SIPA1L1: variants seen among roughly 807,000 people sequenced by gnomAD.
The protein encoded by SIPA1L1 is signal induced proliferation associated 1 like 1.
In SIPA1L1, 26 loss-of-function variants were observed where a neutral mutation model predicts 162.7. The observed-to-expected ratio is 0.16, with a 90% CI of 0.12 to 0.22. The LOEUF (loss-of-function observed/expected upper bound fraction) is 0.22. Ranked by LOEUF, SIPA1L1 falls within the 10% of genes least tolerant of loss-of-function variation. The pLI is 1.00. For synonymous variants in SIPA1L1, 829 were observed against 837.4 expected (o/e 0.99, Z 0.17); for missense variants, 1,874 against 2,241.0 (o/e 0.84, Z 3.31).
chr14:71,604,940 G>A (rs563628229), intron 5 of SIPA1L1, among the ~76,000 whole-genome samples: 5 of 151,984 alleles, frequency 3.3e-5, no homozygotes, highest in Non-Finnish European at 5.9e-5. Context: ...GCTAGACTTG[G>A]AATGTTTTTA....
chr14:71,599,443 C>T lies in SIPA1L1; in HGVS notation c.1498+10073C>T, dbSNP rs528655478. 1.7e-4 allele frequency among the ~76,000 whole-genome samples: 25 copies of T among 149,490 alleles called. No individual in the cohort carries two copies. The South Asian group carries it at 1.7e-3, about 10-fold the overall frequency. ...CTGAGATTACAGGCATGAGCCACCA[C>T]GCTGGGCGATTTCATTCTTTTTTTT... On this transcript the variant is annotated intron_variant, in intron 5 of 23. Coordinates refer to ENST00000381232, the MANE Select transcript of SIPA1L1 (RefSeq NM_001386936.1).
intron 2 of SIPA1L1, among the ~76,000 whole-genome samples, chr14:71,436,286 C>T (rs2044371464): frequency 6.6e-6 from 1 of 152,096 alleles, no homozygotes; most frequent in Non-Finnish European, 1.5e-5. Context: ...ATTTTTGGAT[C>T]ATCAGGTTTA....
chr14:71,384,995 G>A (rs1424362160), intron 2 of SIPA1L1, among the ~76,000 whole-genome samples: 2 of 152,186 alleles, frequency 1.3e-5, no homozygotes. Flanking sequence ...AGAGGACAGC[G>A]ATAAAGGACT....
intron 5 of SIPA1L1, among the ~76,000 whole-genome samples, chr14:71,609,934 A>G (rs942419258): frequency 7.2e-5 from 11 of 152,100 alleles, no homozygotes; most frequent in African/African-American, 2.7e-4. Context: ...TAAAAATACA[A>G]AGCAAACCAA....
At chr14:71,411,282 A>G (rs75482549) in intron 2 of SIPA1L1, among the ~76,000 whole-genome samples, 9,131 of 152,240 alleles carry the variant, frequency 0.06, 360 homozygotes, top group Non-Finnish European at 0.089. Flanking sequence ...TTTTTTATTT[A>G]AAGACTTACT....
chr14:71,730,039 T>C lies in SIPA1L1; in HGVS notation c.4615-16T>C. Reference sequence around the variant, plus strand: ...CCAGAAAATTGACTTTCTTTTGTCTTGATCCTGTTTTTCAGTTCCACGCAC... The same window carrying C: ...CCAGAAAATTGACTTTCTTTTGTCTCGATCCTGTTTTTCAGTTCCACGCAC... On this transcript the variant is annotated splice_polypyrimidine_tract_variant and intron_variant, in intron 19 of 23. Transcript: ENST00000381232. The C allele has an allele frequency of 6.2e-7, 1 of 1,610,038 alleles. No individual in the cohort carries two copies. The highest frequency in any genetic ancestry group is 8.5e-7 in the Non-Finnish European group (1 of 1,177,340).
Position 71,733,705 on chromosome 14 carries a change from A to G in SIPA1L1, c.4901A>G (p.Gln1634Arg), listed in dbSNP as rs780205288. 9 of 1,613,894 alleles carry G rather than the reference A, an allele frequency of 5.6e-6. No homozygotes were observed. Among genetic ancestry groups the G allele is most frequent in the African/African-American group, 5.3e-5 (4 of 74,908 alleles). Residue 1634 changes from glutamine (Q) to arginine (R), a missense_variant, in exon 21 of 24, where the codon CAG becomes CGG. By Grantham distance (43) the Gln-to-Arg change is conservative. Coordinates refer to ENST00000381232, the MANE Select transcript of SIPA1L1 (RefSeq NM_001386936.1). ...SASDSSLTDI[Q>R]ETRRQPMPDP... ...TCGGACAGCTCCCTCACTGACATCC[A>G]GGAGACCCGCAGGCAGCCTATGCCC...
At chr14:71,714,438 A>G (rs951217257) in intron 17 of SIPA1L1, among the ~76,000 whole-genome samples, 1 of 152,206 alleles carries the variant, frequency 6.6e-6, no homozygotes, top group Admixed American at 6.5e-5. Flanking sequence ...GTGTCATTAA[A>G]TCATAAGGCC....
In SIPA1L1 at chr14:71,733,724, T is replaced by G. The variant is rs774595859; in HGVS notation, c.4920T>G (p.Pro1640=). 1 of 1,613,966 alleles carries G rather than the reference T, an allele frequency of 6.2e-7. No individual in the cohort carries two copies. The highest frequency in any genetic ancestry group is 1.1e-5 in the South Asian group (1 of 91,070). Residue 1640 remains proline, a synonymous_variant, in exon 21 of 24, where the codon CCT becomes CCG. Transcript: ENST00000381232. ...ACATCCAGGAGACCCGCAGGCAGCC[T>G]ATGCCCGACCCTGGCCTGATGCCCC... is the stretch of plus-strand genomic sequence containing the variant. ...LTDIQETRRQ[P]MPDPGLMPLP... is the part of the protein sequence containing the mutation.
At position 71,658,433 on chromosome 14, in the gene SIPA1L1, A is replaced by C; in HGVS notation, c.2094A>C (p.Gln698His). 6.4e-7 allele frequency: 1 copy of C among 1,553,430 alleles called. No homozygotes were observed. Residue 698 changes from glutamine (Q) to histidine (H), a missense_variant, in exon 9 of 24, where the codon CAA becomes CAC. Physicochemically the swap from Gln to His is conservative, Grantham distance 24. Transcript: ENST00000381232. Reference sequence around the variant, plus strand: ...TGCCATACACACCCAACAACAAACAACAGGTAAGAGATCCTCCTGTTATCT... The same window carrying C: ...TGCCATACACACCCAACAACAAACACCAGGTAAGAGATCCTCCTGTTATCT... ...TMLPYTPNNK[Q>H]QLLRKRHIGN...
intron 7 of SIPA1L1, among the ~76,000 whole-genome samples, chr14:71,628,759 A>C (rs2040278744): frequency 6.6e-6 from 1 of 152,188 alleles, no homozygotes; most frequent in African/African-American, 2.4e-5. Flanking sequence ...CTGGATCAGA[A>C]TGAGATGGGC....
At chr14:71,453,143 A>C (rs942722009) in intron 2 of SIPA1L1, among the ~76,000 whole-genome samples, 2 of 152,262 alleles carry the variant, frequency 1.3e-5, no homozygotes, top group African/African-American at 4.8e-5. Flanking sequence ...AATTCAACTT[A>C]AGAAATCTAA....
chr14:71,588,687 T>A lies in SIPA1L1; in HGVS notation c.815T>A (p.Leu272His), dbSNP rs757132192. ...IDGPISQRENLRLFKEREKPL... is the reference protein window; with the variant it reads ...IDGPISQRENHRLFKEREKPL... Reference sequence around the variant, plus strand: ...GGGCCTATCTCACAGAGAGAGAACCTCAGGCTTTTTAAGGAAAGGGAAAAA... The same window carrying A: ...GGGCCTATCTCACAGAGAGAGAACCACAGGCTTTTTAAGGAAAGGGAAAAA... The change falls in exon 5 of 24, where the codon CTC becomes CAC. Residue 272 changes from leucine to histidine, a missense_variant. This residue lies in a region of SIPA1L1 where 685 missense variants were observed against 828.0 expected (regional missense o/e 0.83). Transcript: ENST00000381232. This position sits in a 1 kb window ranked among gnomAD's most constrained non-coding sequence, Gnocchi z 4.3. The A allele has an allele frequency of 4.3e-6, 7 of 1,614,004 alleles. No individual in the cohort carries two copies. The highest frequency in any genetic ancestry group is 5.1e-6 in the Non-Finnish European group (6 of 1,179,978).
At chr14:71,375,898 A>G (rs1185355266) in intron 2 of SIPA1L1, among the ~76,000 whole-genome samples, 6 of 152,174 alleles carry the variant, frequency 3.9e-5, no homozygotes, top group African/African-American at 1.4e-4. Flanking sequence ...TAAACCAAAA[A>G]TGCATTATTG....
intron 2 of SIPA1L1, among the ~76,000 whole-genome samples, chr14:71,395,743 G>T (rs2041136928): frequency 6.6e-6 from 1 of 152,186 alleles, no homozygotes; most frequent in African/African-American, 2.4e-5. Context: ...TGAAGACCAG[G>T]ACTGTGTCAG....
intron 12 of SIPA1L1, among the ~76,000 whole-genome samples, chr14:71,676,478 T>C (rs1021094140): frequency 6.6e-6 from 1 of 151,732 alleles, no homozygotes; most frequent in Non-Finnish European, 1.5e-5. Context: ...TTTTTTTTTT[T>C]TTTTTAAGTA....
At chr14:71,678,681 T>G (rs909359581) in intron 12 of SIPA1L1, among the ~76,000 whole-genome samples, 6 of 152,120 alleles carry the variant, frequency 3.9e-5, no homozygotes, top group African/African-American at 1.4e-4. Flanking sequence ...GGATTCCCTC[T>G]TTTTCTATTG....
chr14:71,409,491 G>T (rs569053445), intron 2 of SIPA1L1, among the ~76,000 whole-genome samples: 1 of 152,290 alleles, frequency 6.6e-6, no homozygotes, highest in South Asian at 2.1e-4. Flanking sequence ...ATGGGAGCCA[G>T]ATTTACTACT....
intron 4 of SIPA1L1, among the ~76,000 whole-genome samples, chr14:71,550,596 G>A (rs566818716): frequency 1.3e-5 from 2 of 151,944 alleles, no homozygotes; most frequent in East Asian, 1.9e-4. Context: ...AGACAGCTCC[G>A]TTCTGGGCTG....
Sources: gnomAD v4.1 joint callset for allele counts (sites outside exome capture counted in the v4.1 genomes callset) on GRCh38, gnomAD v4.1.1 for gene constraint, gnomAD v4.1.1 regional missense constraint, Gnocchi (gnomAD v3.1) non-coding constraint, MANE v1.5 for transcripts, NCBI Gene and HGNC (gene_info 2026-07-23, HGNC 2026-07-21) for gene names.